Variants in PHF20L1 observed in about 807,000 individuals in gnomAD.
PHF20L1 encodes the protein PHD finger protein 20-like protein 1.
A neutral mutation model predicts 125.5 loss-of-function variants in PHF20L1; 44 were observed. That is an observed-to-expected ratio of 0.35 (90% confidence interval 0.28 to 0.45). The LOEUF is 0.45. Ranked by LOEUF, PHF20L1 falls within the 20% of genes least tolerant of loss-of-function variation. The probability of loss-of-function intolerance (pLI) is 1.00; values close to 1 mark genes in which losing one functional copy is unlikely to be tolerated. For missense variants in PHF20L1, 1,012 were observed against 1,217.2 expected (o/e 0.83, Z 2.51); for synonymous variants, 380 against 403.1 (o/e 0.94, Z 0.69).
intron 5 of PHF20L1, 36 bp downstream of exon 5, chr8:132,798,896 T>C (rs755462725): frequency 1.9e-5 from 27 of 1,391,390 alleles, no homozygotes; most frequent in Non-Finnish European, 2.7e-5. Context: ...ACCCAAAGGG[T>C]TATCTTCTTG....
At position 132,846,293 on chromosome 8, in the gene PHF20L1, C is replaced by G. The variant is rs1017136728; in HGVS notation, c.*370C>G. On this transcript the variant is annotated 3_prime_UTR_variant, in exon 21 of 21. Transcript: ENST00000395386. ...TTTGTATAGTTTTTAATAGAAAGAT[C>G]TATGTTTATAAACCAGCACTTGGCC... 1.3e-5 allele frequency: 2 copies of G among 157,176 alleles called. No individual in the cohort carries two copies. The highest frequency in any genetic ancestry group is 4.8e-5 in the African/African-American group (2 of 41,522). The allele number at this position is 157,176 out of a possible 1,614,324, so 9.7% of individuals were successfully genotyped here.
At chr8:132,797,133 C>A (rs1475350869) in intron 4 of PHF20L1, among the ~76,000 whole-genome samples, 1 of 151,942 alleles carries the variant, frequency 6.6e-6, no homozygotes, top group Non-Finnish European at 1.5e-5. Flanking sequence ...TTTCAGTGAA[C>A]ACATAGTGAA....
At chr8:132,812,807 T>C (rs1362979487) in intron 9 of PHF20L1, 1 of 982,938 alleles carries the variant, frequency 1.0e-6, no homozygotes, top group African/African-American at 1.7e-5. Context: ...TGTTTCCTAA[T>C]GAGTTAAAGT....
Position 132,830,155 on chromosome 8 carries a change from A to G in PHF20L1, c.1745-2080A>G, listed in dbSNP as rs181852566. On this transcript the variant is annotated intron_variant, in intron 14 of 20. Coordinates refer to ENST00000395386, the MANE Select transcript of PHF20L1 (RefSeq NM_016018.5). ...GACAGTCTGTTTTCTTGCCTCTTCT[A>G]GTTTCCAGAGGCTTCTGCATTGCTT... Among the ~76,000 whole-genome samples, 433 of 152,096 alleles carry G rather than the reference A, an allele frequency of 2.8e-3. 2 individuals carry two copies. The highest frequency in any genetic ancestry group is 6.8e-3 in the Middle Eastern group (2 of 294).
At chr8:132,785,952 A>G (rs923576893) in intron 2 of PHF20L1, among the ~76,000 whole-genome samples, 4 of 152,120 alleles carry the variant, frequency 2.6e-5, no homozygotes, top group South Asian at 2.1e-4. Context: ...GGTGCCCAGC[A>G]AAGTTTACTG....
intron 18 of PHF20L1, chr8:132,842,256 AG>A: frequency 3.3e-6 from 1 of 303,174 alleles, no homozygotes; most frequent in Non-Finnish European, 6.0e-6. Flanking sequence ...CAGTAGAAAA[AG>A]AAATGCATGT....
At chr8:132,787,974 A>G (rs1831244551) in intron 2 of PHF20L1, among the ~76,000 whole-genome samples, 1 of 152,038 alleles carries the variant, frequency 6.6e-6, no homozygotes, top group South Asian at 2.1e-4. Flanking sequence ...AGTCATTTTT[A>G]TGACTACCAT....
At position 132,847,689 on chromosome 8, in the gene PHF20L1, C is replaced by T. The variant is rs995562277; in HGVS notation, c.*1766C>T. On this transcript the variant is annotated 3_prime_UTR_variant, in exon 21 of 21. Coordinates refer to ENST00000395386, the MANE Select transcript of PHF20L1 (RefSeq NM_016018.5). Reference sequence around the variant, plus strand: ...TTTATTGCCTTTTGAGATTCTCCAACTTGACAAATGTGCCAAAGATCAACA... The same window carrying T: ...TTTATTGCCTTTTGAGATTCTCCAATTTGACAAATGTGCCAAAGATCAACA... 1 of 152,512 alleles carries T rather than the reference C, an allele frequency of 6.6e-6. No homozygotes were observed. The highest frequency in any genetic ancestry group is 2.4e-5 in the African/African-American group (1 of 41,416). 9.4% of individuals were successfully genotyped at this position (152,512 alleles called of 1,614,324 possible). A position where few individuals can be genotyped will look rare whatever the true frequency, so the allele number is the denominator to read the frequency against.
chr8:132,782,641 C>T lies in PHF20L1; in HGVS notation c.83+4730C>T, dbSNP rs76840422. On this transcript the variant is annotated intron_variant, in intron 2 of 20. Transcript: ENST00000395386. ...TGTCACCCAGGCTGCAGTGCAGTCACGAGATCATGACTTGAAGCAGCCTGC... is the reference window on the plus strand; with the variant it reads ...TGTCACCCAGGCTGCAGTGCAGTCATGAGATCATGACTTGAAGCAGCCTGC... 7.8e-3 allele frequency among the ~76,000 whole-genome samples: 1,187 copies of T among 151,756 alleles called. 33 individuals are homozygous for T. Among genetic ancestry groups the T allele is most frequent in the East Asian group, 0.065 (338 of 5,172 alleles).
At chr8:132,843,090 A>G (rs1838092214) in intron 19 of PHF20L1, 1 of 1,259,572 alleles carries the variant, frequency 7.9e-7, no homozygotes, top group African/African-American at 1.5e-5. Flanking sequence ...TAGTAATTCA[A>G]TAAACTGTTA....
At chr8:132,825,076 C>T in intron 13 of PHF20L1, 188 bp from the exon 14 acceptor site, 1 of 1,498,726 alleles carries the variant, frequency 6.7e-7, no homozygotes, top group Non-Finnish European at 9.0e-7. Context: ...AATGAAGATC[C>T]CCTCTTATAG....
At chr8:132,825,406 T>A (rs1836060992) in intron 14 of PHF20L1, 35 bp downstream of exon 14, 1 of 1,442,912 alleles carries the variant, frequency 6.9e-7, no homozygotes, top group Non-Finnish European at 9.2e-7. Context: ...CCTCTTTTTT[T>A]AAAATTTGAA....
intron 15 of PHF20L1, among the ~76,000 whole-genome samples, chr8:132,834,719 T>C (rs928449019): frequency 3.3e-4 from 50 of 152,016 alleles, no homozygotes; most frequent in Non-Finnish European, 4.1e-4. Flanking sequence ...AAAAGAAAAT[T>C]TGGATTTAAG....
intron 2 of PHF20L1, among the ~76,000 whole-genome samples, chr8:132,787,854 C>T (rs1831231899): frequency 6.6e-6 from 1 of 151,982 alleles, no homozygotes; most frequent in Non-Finnish European, 1.5e-5. Context: ...ATTTTGTTTG[C>T]TTTGGGTTAC....
intron 18 of PHF20L1, 61 bp downstream of exon 18, chr8:132,839,643 A>G: frequency 2.5e-6 from 3 of 1,184,080 alleles, no homozygotes; most frequent in South Asian, 2.6e-5. Context: ...TCAAACCAAC[A>G]CTGTTGGCCT....
intron 9 of PHF20L1, 123 bp downstream of exon 9, chr8:132,811,251 A>G: frequency 1.4e-6 from 2 of 1,475,600 alleles, no homozygotes; most frequent in Non-Finnish European, 1.8e-6. Flanking sequence ...TAATTAATTG[A>G]TGATATATTT....
At chr8:132,788,588 T>C (rs976308096) in intron 2 of PHF20L1, among the ~76,000 whole-genome samples, 1 of 131,560 alleles carries the variant, frequency 7.6e-6, no homozygotes, top group African/African-American at 2.9e-5. Context: ...CTTGTCATTT[T>C]CTCATGGTTG....
intron 4 of PHF20L1, among the ~76,000 whole-genome samples, chr8:132,798,467 C>T (rs1230919022): frequency 2.0e-5 from 3 of 151,916 alleles, no homozygotes; most frequent in African/African-American, 7.2e-5. Flanking sequence ...TTACTTTTGT[C>T]AGCTATGTTG....
At position 132,844,240 on chromosome 8, in the gene PHF20L1, C is replaced by T; in HGVS notation, c.2833C>T (p.Leu945Phe). The T allele has an allele frequency of 6.2e-7, 1 of 1,612,638 alleles. No homozygotes were observed. The highest frequency in any genetic ancestry group is 8.5e-7 in the Non-Finnish European group (1 of 1,178,964). The change falls in exon 20 of 21, where the codon CTC becomes TTC. Residue 945 changes from leucine (L) to phenylalanine (F), a missense_variant. By Grantham distance (22) the Leu-to-Phe change is conservative. This residue lies in a region of PHF20L1 where 277 missense variants were observed against 283.6 expected (regional missense o/e 0.98). Coordinates refer to ENST00000395386, the MANE Select transcript of PHF20L1 (RefSeq NM_016018.5). ...AGGAGACTCACATCTTCAGTGGCAGCTCAATCTCCTTACACACATAGAAAA... is the reference window on the plus strand; with the variant it reads ...AGGAGACTCACATCTTCAGTGGCAGTTCAATCTCCTTACACACATAGAAAA... The part of the protein sequence containing the change: ...DPGDSHLQWQ[L>F]NLLTHIENVQ...
Sources: gnomAD v4.1 joint callset for allele counts (sites outside exome capture counted in the v4.1 genomes callset) on GRCh38, gnomAD v4.1.1 for gene constraint, gnomAD v4.1.1 regional missense constraint, MANE v1.5 for transcripts, NCBI Gene and HGNC (gene_info 2026-07-23, HGNC 2026-07-21) for gene names.